The following ZFAND3 variants were observed in gnomAD, a reference collection of about 807,000 sequenced individuals.
ZFAND3 encodes the protein zinc finger AN1-type containing 3, also known as AN1-type zinc finger protein 3.
A neutral mutation model predicts 29.6 loss-of-function variants in ZFAND3; 10 were observed. The ratio of observed to expected loss-of-function variants is 0.34; its 90% CI spans 0.21 to 0.57. ZFAND3 has a LOEUF of 0.57. Among genes scored for constraint, ZFAND3 ranks in the 20% least tolerant of loss-of-function variants. The pLI, the probability that ZFAND3 is intolerant of heterozygous loss-of-function variation, is 0.86. For missense variants in ZFAND3, 230 were observed against 304.5 expected (o/e 0.76, Z 1.82); for synonymous variants, 128 against 112.6 (o/e 1.14, Z -0.87).
At chr6:38,043,429 CCTTCTCTCCTATCCCCTCCCCGTCT>C (rs1763832152) in intron 2 of ZFAND3, among the ~76,000 whole-genome samples, 1 of 149,194 alleles carries the variant, frequency 6.7e-6, no homozygotes, top group Non-Finnish European at 1.5e-5. Flanking sequence ...TCTTCTCTCC[CCTTCTCTCCTATCCCCTCCCCGTCT>C]CTTCTCTCCC....
intron 1 of ZFAND3, among the ~76,000 whole-genome samples, chr6:37,899,074 T>A (rs1765270731): frequency 6.6e-6 from 1 of 152,168 alleles, no homozygotes; most frequent in Admixed American, 6.5e-5. Context: ...TTTGTTTTTG[T>A]ATTTTTAGTA....
In ZFAND3 at chr6:38,152,356, C is replaced by A. The variant is rs779995606; in HGVS notation, c.651C>A (p.Arg217=). ...TGAAGCTGGACCGGAAAGTGGGGCG[C>A]TCCTGCCAGCGCATCGGGGAGGGGT... The part of the protein sequence containing the change: ...KMVKLDRKVG[R]SCQRIGEGCS The change falls in exon 6 of 6, where the codon CGC becomes CGA. Residue 217 remains arginine (R), a synonymous_variant. Coordinates refer to ENST00000287218, the MANE Select transcript of ZFAND3 (RefSeq NM_021943.3). 6.2e-7 allele frequency: 1 copy of A among 1,606,302 alleles called. No individual in the cohort carries two copies. Among genetic ancestry groups the A allele is most frequent in the Admixed American group, 1.7e-5 (1 of 58,478 alleles).
intron 4 of ZFAND3, among the ~76,000 whole-genome samples, chr6:38,113,387 TCATTGTTCAA>T (rs1345731106): frequency 6.6e-6 from 1 of 152,206 alleles, no homozygotes. Context: ...CCTTTAGGAT[TCATTGTTCAA>T]GAATATTCCA....
chr6:37,842,828 A>C (rs1180357453), intron 1 of ZFAND3, among the ~76,000 whole-genome samples: 3 of 152,126 alleles, frequency 2.0e-5, no homozygotes, highest in African/African-American at 7.2e-5. Flanking sequence ...GATCTTTTAA[A>C]TCTTAATTTC....
At chr6:37,856,020 T>TTC (rs1561912327) in intron 1 of ZFAND3, among the ~76,000 whole-genome samples, 1 of 152,014 alleles carries the variant, frequency 6.6e-6, no homozygotes, top group African/African-American at 2.4e-5. Flanking sequence ...GTTTTTTTTT[T>TTC]TTCTTCTTCT....
chr6:37,906,334 C>T (rs368229056), intron 1 of ZFAND3, among the ~76,000 whole-genome samples: 1 of 151,992 alleles, frequency 6.6e-6, no homozygotes, highest in African/African-American at 2.4e-5. Context: ...AGGGCTTATC[C>T]GTGTTGTTGT....
intron 5 of ZFAND3, among the ~76,000 whole-genome samples, chr6:38,144,188 T>TATATATA (rs1766029067): frequency 2.6e-5 from 1 of 38,864 alleles, no homozygotes; most frequent in African/African-American, 1.5e-4. Flanking sequence ...ATATATAATA[T>TATATATA]ATATATATAT....
At chr6:38,054,953 C>T (rs1013369117) in intron 2 of ZFAND3, among the ~76,000 whole-genome samples, 3 of 151,722 alleles carry the variant, frequency 2.0e-5, no homozygotes, top group African/African-American at 7.3e-5. Context: ...TTAAGTTTTG[C>T]GGTTGAGATG....
Position 37,987,861 on chromosome 6 carries a change from G to A in ZFAND3, c.112+57862G>A, listed in dbSNP as rs113260704. On this transcript the variant is annotated intron_variant, in intron 2 of 5. Transcript: ENST00000287218. The stretch of plus-strand genomic sequence containing the variant: ...TCAGCTGCCCTTTCTTTAGAAAGTT[G>A]CATTATTACTGTTGGACATGCCTTC... Among the ~76,000 whole-genome samples, 740 of 152,302 alleles carry A rather than the reference G, an allele frequency of 4.9e-3. 4 individuals are homozygous for A. Among genetic ancestry groups the A allele is most frequent in the Middle Eastern group, 0.014 (4 of 294 alleles).
chr6:37,935,813 TA>T (rs1761688433), intron 2 of ZFAND3, among the ~76,000 whole-genome samples: 1 of 152,206 alleles, frequency 6.6e-6, no homozygotes, highest in Non-Finnish European at 1.5e-5. Flanking sequence ...AAGAGGTTAA[TA>T]GTTGATTTCT....
chr6:37,931,836 G>A (rs1179602665), intron 2 of ZFAND3, among the ~76,000 whole-genome samples: 1 of 152,140 alleles, frequency 6.6e-6, no homozygotes, highest in Non-Finnish European at 1.5e-5. Flanking sequence ...CTAAACTAGG[G>A]GTTAGATGGG....
chr6:38,102,248 A>G lies in ZFAND3; in HGVS notation c.362-14324A>G, dbSNP rs1581918694. Among the ~76,000 whole-genome samples, 3 of 152,162 alleles carry G rather than the reference A, an allele frequency of 2.0e-5. No individual in the cohort carries two copies. In the South Asian group the frequency reaches 6.2e-4, roughly 31 times the overall value. ...TGAAAGCTTGCATTATAAGTCAGACAGGCAAAACATTTGGAAGATGAGAAA... is the reference window on the plus strand; with the variant it reads ...TGAAAGCTTGCATTATAAGTCAGACGGGCAAAACATTTGGAAGATGAGAAA... On this transcript the variant is annotated intron_variant, in intron 4 of 5. Transcript: ENST00000287218.
chr6:37,929,182 C>T (rs765611926), intron 1 of ZFAND3, among the ~76,000 whole-genome samples: 15 of 152,136 alleles, frequency 9.9e-5, no homozygotes, highest in Non-Finnish European at 1.9e-4. Flanking sequence ...CTGGCATAAA[C>T]GGGTTAAATT....
intron 4 of ZFAND3, among the ~76,000 whole-genome samples, chr6:38,096,803 C>T (rs1224060588): frequency 1.3e-5 from 2 of 152,024 alleles, no homozygotes; most frequent in Non-Finnish European, 2.9e-5. Flanking sequence ...AACAATCATA[C>T]TTTGAGCTCA....
chr6:37,985,438 G>A (rs1350212657), intron 2 of ZFAND3, among the ~76,000 whole-genome samples: 1 of 151,726 alleles, frequency 6.6e-6, no homozygotes, highest in African/African-American at 2.4e-5. Flanking sequence ...GACCAGCCTG[G>A]GCAACATGGT....
intron 2 of ZFAND3, among the ~76,000 whole-genome samples, chr6:38,059,808 G>A (rs1261035861): frequency 1.3e-5 from 2 of 152,106 alleles, no homozygotes; most frequent in East Asian, 1.9e-4. Flanking sequence ...CCTGGGAGAC[G>A]GAGGTTGCAG....
At chr6:37,828,630 A>T (rs925119106) in intron 1 of ZFAND3, among the ~76,000 whole-genome samples, 5 of 150,614 alleles carry the variant, frequency 3.3e-5, no homozygotes, top group African/African-American at 1.2e-4. Context: ...GTGCCTAAGG[A>T]GGCATGGATG....
At chr6:37,831,864 T>G (rs1561903615) in intron 1 of ZFAND3, among the ~76,000 whole-genome samples, 3 of 152,180 alleles carry the variant, frequency 2.0e-5, no homozygotes, top group Non-Finnish European at 4.4e-5. Context: ...TGAAGATACT[T>G]CATTGCTGCA....
At chr6:37,997,575 A>G (rs1336773190) in intron 2 of ZFAND3, among the ~76,000 whole-genome samples, 1 of 152,190 alleles carries the variant, frequency 6.6e-6, no homozygotes, top group African/African-American at 2.4e-5. Context: ...TAAGACAGCC[A>G]CTGCAAGGAG....
Sources: gnomAD v4.1 joint callset for allele counts (sites outside exome capture counted in the v4.1 genomes callset) on GRCh38, gnomAD v4.1.1 for gene constraint, MANE v1.5 for transcripts, NCBI Gene and HGNC (gene_info 2026-07-23, HGNC 2026-07-21) for gene names.